FNBP1: variants seen among roughly 807,000 people sequenced by gnomAD.
FNBP1 encodes formin binding protein 1.
A neutral mutation model predicts 90.6 loss-of-function variants in FNBP1; 26 were observed. The ratio of observed to expected loss-of-function variants is 0.29; its 90% confidence interval spans 0.21 to 0.40. The LOEUF (loss-of-function observed/expected upper bound fraction) is 0.40. Among genes scored for constraint, FNBP1 ranks in the 10% least tolerant of loss-of-function variants. FNBP1 has a pLI of 1.00. For missense variants in FNBP1, 635 were observed against 768.0 expected (o/e 0.83, Z 2.05); for synonymous variants, 260 against 265.2 (o/e 0.98, Z 0.19).
chr9:129,910,606 G>A (rs1364894908), intron 11 of FNBP1, among the ~76,000 whole-genome samples: 1 of 152,020 alleles, frequency 6.6e-6, no homozygotes, highest in African/African-American at 2.4e-5. Flanking sequence ...GGGCAAGGCA[G>A]GCTTGGGGCA....
In FNBP1 at chr9:129,991,808, C is replaced by T. The variant is rs1341183982; in HGVS notation, c.140+3035G>A. 2.0e-5 allele frequency among the ~76,000 whole-genome samples: 3 copies of T among 152,002 alleles called. No individual in the cohort carries two copies. In the East Asian group the frequency reaches 5.8e-4, roughly 29 times the overall value. ...CCAAGTAGCTGGGACTACAGGCGCC[C>T]GCCACCATTTCCAGCTAATTTTTTG... On this transcript the variant is annotated intron_variant, in intron 2 of 16. Coordinates refer to ENST00000446176, the MANE Select transcript of FNBP1 (RefSeq NM_015033.3).
At position 129,967,075 on chromosome 9, in the gene FNBP1, G is replaced by C. The variant is rs574030438; in HGVS notation, c.346-8522C>G. On this transcript the variant is annotated intron_variant, in intron 4 of 16. Coordinates refer to ENST00000446176, the MANE Select transcript of FNBP1 (RefSeq NM_015033.3). Reference sequence around the variant, plus strand: ...CAGCTAGACTTGTTAACAGATAAGAGATGGTGTGTAAGAGAAAAGAGAAAA... The same window carrying C: ...CAGCTAGACTTGTTAACAGATAAGACATGGTGTGTAAGAGAAAAGAGAAAA... Among the ~76,000 whole-genome samples, 55 of 152,346 alleles carry C rather than the reference G, an allele frequency of 3.6e-4. 1 individual carries two copies. The South Asian group carries it at 0.011, about 31-fold the overall frequency.
intron 6 of FNBP1, among the ~76,000 whole-genome samples, chr9:129,943,992 CAAA>C (rs397936316): frequency 1.7e-5 from 1 of 59,920 alleles, no homozygotes; most frequent in African/African-American, 7.1e-5. Context: ...GACTCCATCT[CAAA>C]AAAAAAAAAA....
intron 6 of FNBP1, among the ~76,000 whole-genome samples, chr9:129,940,145 G>A (rs2044109682): frequency 6.6e-6 from 1 of 152,186 alleles, no homozygotes; most frequent in Admixed American, 6.6e-5. Context: ...AGGCTATAGT[G>A]AGCTATGATT....
chr9:130,040,337 C>T (rs1231228592), intron 1 of FNBP1, among the ~76,000 whole-genome samples: 1 of 152,116 alleles, frequency 6.6e-6, no homozygotes, highest in South Asian at 2.1e-4. Flanking sequence ...TCTTTTTTAA[C>T]GTCAAGCGTG....
chr9:129,961,787 T>C (rs766007958), intron 4 of FNBP1, among the ~76,000 whole-genome samples: 11 of 152,300 alleles, frequency 7.2e-5, no homozygotes, highest in Admixed American at 3.9e-4. Context: ...GGTTTCACCA[T>C]GTTGGCCAGG....
At chr9:130,007,713 C>T (rs2131597138) in intron 1 of FNBP1, among the ~76,000 whole-genome samples, 1 of 152,182 alleles carries the variant, frequency 6.6e-6, no homozygotes, top group East Asian at 1.9e-4. Context: ...GTGAAAGACA[C>T]TGTAAAAAAA....
intron 1 of FNBP1, among the ~76,000 whole-genome samples, chr9:130,007,505 T>G (rs1032359836): frequency 1.3e-5 from 2 of 152,102 alleles, no homozygotes; most frequent in Admixed American, 6.5e-5. Context: ...GAATTTTGAC[T>G]GTGCTAGAGT....
chr9:129,905,294 G>GTGTATATATATATATA (rs374989661), intron 12 of FNBP1, among the ~76,000 whole-genome samples: 153 of 132,336 alleles, frequency 1.2e-3, no homozygotes, highest in South Asian at 1.5e-3. Flanking sequence ...GTGTGTGTGT[G>GTGTATATATATATATA]TATATATATA....
chr9:130,018,351 T>C (rs1452518457), intron 1 of FNBP1, among the ~76,000 whole-genome samples: 1 of 152,114 alleles, frequency 6.6e-6, no homozygotes, highest in Non-Finnish European at 1.5e-5. Flanking sequence ...ACAATACTAT[T>C]ATTATTTCCA....
At chr9:129,932,135 CA>C (rs950943813) in intron 6 of FNBP1, among the ~76,000 whole-genome samples, 4 of 151,720 alleles carry the variant, frequency 2.6e-5, no homozygotes, top group Non-Finnish European at 5.9e-5. Context: ...CGCTTGAACC[CA>C]GGAGCCGGAG....
chr9:129,970,640 C>T (rs1375736357), intron 4 of FNBP1, among the ~76,000 whole-genome samples: 1 of 152,086 alleles, frequency 6.6e-6, no homozygotes, highest in Non-Finnish European at 1.5e-5. Context: ...TTTATATGCA[C>T]CCCAAGGACT....
chr9:129,984,361 G>A (rs2051794818), intron 2 of FNBP1, among the ~76,000 whole-genome samples: 1 of 152,140 alleles, frequency 6.6e-6, no homozygotes. Flanking sequence ...AAAATTCTGG[G>A]ACAGCTTAGA....
At chr9:130,034,464 C>T (rs1245571787) in intron 1 of FNBP1, among the ~76,000 whole-genome samples, 6 of 152,176 alleles carry the variant, frequency 3.9e-5, no homozygotes, top group Non-Finnish European at 8.8e-5. Context: ...GCCTGGTCAA[C>T]AGAGTGAGAC....
At chr9:129,934,996 C>T (rs1005673186) in intron 6 of FNBP1, among the ~76,000 whole-genome samples, 1 of 152,018 alleles carries the variant, frequency 6.6e-6, no homozygotes. Flanking sequence ...ATTTTAGAAA[C>T]TGAACTGTAG....
At chr9:129,955,852 C>T (rs1182592477) in intron 6 of FNBP1, among the ~76,000 whole-genome samples, 1 of 150,112 alleles carries the variant, frequency 6.7e-6, no homozygotes, top group Non-Finnish European at 1.5e-5. Flanking sequence ...CACACACACA[C>T]ACACACACAC....
intron 4 of FNBP1, among the ~76,000 whole-genome samples, chr9:129,959,104 A>G (rs2047406347): frequency 6.6e-6 from 1 of 151,672 alleles, no homozygotes; most frequent in Non-Finnish European, 1.5e-5. Flanking sequence ...GCAGTCACAG[A>G]GTTCCCTTTA....
At chr9:129,919,794 T>C (rs2131792428) in intron 10 of FNBP1, among the ~76,000 whole-genome samples, 1 of 152,326 alleles carries the variant, frequency 6.6e-6, no homozygotes, top group East Asian at 1.9e-4. Flanking sequence ...CTCAGGAACT[T>C]TTTCTAGTTA....
At chr9:129,987,771 G>T (rs1338915613) in intron 2 of FNBP1, among the ~76,000 whole-genome samples, 1 of 151,984 alleles carries the variant, frequency 6.6e-6, no homozygotes, top group Non-Finnish European at 1.5e-5. Context: ...AAAATGCTGG[G>T]ATTACAGGTA....
Sources: allele counts gnomAD v4.1 joint callset (sites outside exome capture counted in the v4.1 genomes callset), GRCh38; gene constraint gnomAD v4.1.1; transcripts MANE v1.5; gene names NCBI Gene and HGNC (gene_info 2026-07-23, HGNC 2026-07-21).